Variants in RPA3 observed in about 807,000 individuals in gnomAD.
The protein encoded by RPA3 is replication protein A3.
Under a neutral mutation model 13.7 loss-of-function variants are expected in RPA3, and 24 were observed. That is an observed-to-expected ratio of 1.75 (90% CI 1.27 to 2.46). RPA3 has a LOEUF of 2.46. RPA3 is among the 30% of genes most tolerant of loss of function. The pLI, the probability that RPA3 is intolerant of heterozygous loss-of-function variation, is 0.00. For synonymous variants in RPA3, 59 were observed against 51.2 expected (o/e 1.15, Z -0.65); for missense variants, 183 against 151.0 (o/e 1.21, Z -1.11).
At chr7:7,692,276 G>C (rs1160082503) in intron 2 of RPA3, 2 of 152,218 alleles carry the variant, frequency 1.3e-5, no homozygotes, top group Non-Finnish European at 2.9e-5. Context: ...AATGTGGGCA[G>C]GAATAGAGAC....
intron 4 of RPA3, among the ~76,000 whole-genome samples, chr7:7,685,458 C>T (rs933584959): frequency 2.6e-5 from 4 of 151,736 alleles, no homozygotes; most frequent in South Asian, 2.1e-4. Flanking sequence ...TACAGGTGTG[C>T]GCCACCACGC....
intron 2 of RPA3, among the ~76,000 whole-genome samples, chr7:7,709,544 G>A (rs74601666): frequency 0.029 from 4,346 of 152,344 alleles, 198 homozygotes; most frequent in African/African-American, 0.096. Context: ...AAAGTCAGGC[G>A]CTGAGCCTGC....
rs114354927 is a variant in RPA3 at position 7,714,228 on chromosome 7, T to C, written c.-1028+947A>G. On this transcript the variant is annotated intron_variant, in intron 2 of 7. Coordinates refer to ENST00000223129, the MANE Select transcript of RPA3 (RefSeq NM_002947.5). ...ATCAGTCTTAACTGACCTCCACTTA[T>C]ATGACTTTGCATATTGACCAGCATT... is the stretch of plus-strand genomic sequence containing the variant. 1.9e-3 allele frequency among the ~76,000 whole-genome samples: 289 copies of C among 152,354 alleles called. 3 individuals are homozygous for C. The highest frequency in any genetic ancestry group is 6.8e-3 in the African/African-American group (282 of 41,578).
chr7:7,712,105 T>C (rs576883544), intron 2 of RPA3, among the ~76,000 whole-genome samples: 22 of 152,274 alleles, frequency 1.4e-4, no homozygotes, highest in Non-Finnish European at 2.8e-4. Flanking sequence ...TCTTAGCCAA[T>C]GTCATAAAGC....
rs558650699 is a variant in RPA3, at chr7:7,712,724, A to T, written c.-1028+2451T>A. ...TCTAGTATGTTGAAGAGAAGTGTCA[A>T]AGAAAACATCTTTTCCCCACTTTTG... On this transcript the variant is annotated intron_variant, in intron 2 of 7. Transcript: ENST00000223129. Among the ~76,000 whole-genome samples the T allele has an allele frequency of 6.6e-5, 10 of 152,318 alleles. 1 individual carries two copies. The highest frequency in any genetic ancestry group is 2.4e-4 in the African/African-American group (10 of 41,562).
intron 1 of RPA3, among the ~76,000 whole-genome samples, 181 bp from the exon 2 acceptor site, chr7:7,715,407 A>C (rs1780876642): frequency 6.6e-6 from 1 of 152,226 alleles, no homozygotes. Context: ...ACTCAAAGCT[A>C]CTGATAACCA....
chr7:7,644,014 T>TA (rs1418091062), intron 4 of RPA3, among the ~76,000 whole-genome samples: 2 of 152,070 alleles, frequency 1.3e-5, no homozygotes, highest in Non-Finnish European at 2.9e-5. Context: ...CTGCCACTAG[T>TA]AAAAAAATGA....
At chr7:7,688,868 G>T (rs1025982689) in intron 2 of RPA3, among the ~76,000 whole-genome samples, 1 of 151,976 alleles carries the variant, frequency 6.6e-6, no homozygotes, top group Non-Finnish European at 1.5e-5. Flanking sequence ...TTTAATATTT[G>T]GTTAGAAAAC....
intron 2 of RPA3, among the ~76,000 whole-genome samples, chr7:7,698,660 C>T (rs1476969233): frequency 6.6e-6 from 1 of 152,100 alleles, no homozygotes; most frequent in Non-Finnish European, 1.5e-5. Context: ...GCTACAGCCT[C>T]AGCTTCTTAA....
intron 4 of RPA3, among the ~76,000 whole-genome samples, chr7:7,656,220 G>A (rs1307974949): frequency 1.3e-5 from 2 of 152,144 alleles, no homozygotes; most frequent in African/African-American, 4.8e-5. Context: ...GGTTCTGAGG[G>A]TGGAAGTGGA....
At chr7:7,676,883 C>T (rs1779754521) in intron 4 of RPA3, among the ~76,000 whole-genome samples, 1 of 152,058 alleles carries the variant, frequency 6.6e-6, no homozygotes. Context: ...AGTTAATTAT[C>T]AGGTAAACTC....
intron 4 of RPA3, among the ~76,000 whole-genome samples, chr7:7,665,915 T>A (rs1224182845): frequency 6.6e-6 from 1 of 152,178 alleles, no homozygotes; most frequent in African/African-American, 2.4e-5. Flanking sequence ...TGGCAGTTTT[T>A]AAAAATCCAT....
At chr7:7,646,757 C>T (rs1327858820) in intron 4 of RPA3, among the ~76,000 whole-genome samples, 1 of 151,914 alleles carries the variant, frequency 6.6e-6, no homozygotes, top group Non-Finnish European at 1.5e-5. Context: ...TCTGACCGTC[C>T]CCAGCCAAAC....
Position 7,638,718 on chromosome 7 carries a change from G to C in RPA3, c.174+352C>G, listed in dbSNP as rs1784903535. 2.9e-5 allele frequency: 5 copies of C among 172,092 alleles called. No homozygotes were observed. The Admixed American group carries it at 3.1e-4, about 11-fold the overall frequency. 10.7% of individuals were successfully genotyped at this position (172,092 alleles called of 1,614,324 possible). On this transcript the variant is annotated intron_variant, in intron 6 of 7. Coordinates refer to ENST00000223129, the MANE Select transcript of RPA3 (RefSeq NM_002947.5). ...CATTCCACCCGGGGTAACAGAGTGAGACCCTGTCTCAAAACAAAAAAACAA... is the reference window on the plus strand; with the variant it reads ...CATTCCACCCGGGGTAACAGAGTGACACCCTGTCTCAAAACAAAAAAACAA...
At position 7,676,279 on chromosome 7, in the gene RPA3, A is replaced by G. The variant is rs1779737160; in HGVS notation, c.-758+9551T>C. The G allele has an allele frequency of 7.5e-6, 3 of 397,434 alleles. No homozygotes were observed. In the Admixed American group the frequency reaches 1.3e-4, roughly 18 times the overall value. The allele number at this position is 397,434 out of a possible 1,614,324, so 24.6% of individuals were successfully genotyped here. ...CACGATATCGGTACCTACCCCATGA[A>G]GTTATTGAGGGGAATAAATGAGTTA... is the stretch of plus-strand genomic sequence containing the variant. On this transcript the variant is annotated intron_variant, in intron 4 of 7. Transcript: ENST00000223129.
At position 7,637,852 on chromosome 7, in the gene RPA3, T is replaced by A. The variant is rs763628877; in HGVS notation, c.283+12A>T. 5.7e-6 allele frequency: 9 copies of A among 1,589,604 alleles called. No individual in the cohort carries two copies. ...TACATAAAACCAGTCAATACTAGAA[T>A]GCTTTATTTACCAAAAGGATGGCTA... On this transcript the variant is annotated intron_variant, in intron 7 of 7. Transcript: ENST00000223129.
Position 7,686,622 on chromosome 7 carries a change from T to C in RPA3, c.-927+606A>G, listed in dbSNP as rs534350418. 2.0e-5 allele frequency among the ~76,000 whole-genome samples: 3 copies of C among 152,282 alleles called. No homozygotes were observed. In the East Asian group the frequency reaches 5.8e-4, roughly 29 times the overall value. ...ACCACAACAACAAATTAATAAACTTTCCAGAACCATCATGCTGCAAAGTTA... is the reference window on the plus strand; with the variant it reads ...ACCACAACAACAAATTAATAAACTTCCCAGAACCATCATGCTGCAAAGTTA... On this transcript the variant is annotated intron_variant, in intron 3 of 7. Coordinates refer to ENST00000223129, the MANE Select transcript of RPA3 (RefSeq NM_002947.5).
At chr7:7,643,775 A>T (rs930068669) in intron 4 of RPA3, among the ~76,000 whole-genome samples, 1 of 149,776 alleles carries the variant, frequency 6.7e-6, no homozygotes, top group Non-Finnish European at 1.5e-5. Context: ...CACTTGACCT[A>T]CTCTCTTTAA....
chr7:7,639,002 G>T, intron 6 of RPA3, 68 bp downstream of exon 6: 1 of 1,254,568 alleles, frequency 8.0e-7, no homozygotes, highest in Non-Finnish European at 1.1e-6. Context: ...AGAAACATCG[G>T]CAACAAACCA....
Sources: allele counts gnomAD v4.1 joint callset (sites outside exome capture counted in the v4.1 genomes callset), GRCh38; gene constraint gnomAD v4.1.1; transcripts MANE v1.5; gene names NCBI Gene and HGNC (gene_info 2026-07-23, HGNC 2026-07-21).